The following PLEKHF1 variants were observed in gnomAD, a reference collection of about 807,000 sequenced individuals.
PLEKHF1 encodes pleckstrin homology and FYVE domain containing 1, also known as pleckstrin homology domain-containing family F member 1.
PLEKHF1 carries 1 observed loss-of-function variant against 4.1 expected under a neutral mutation model. The observed-to-expected ratio is 0.24, with a 90% CI of 0.09 to 1.15. The LOEUF is 1.15. PLEKHF1 is among the 50% of genes most tolerant of loss of function. The probability of loss-of-function intolerance (pLI) is 0.52; values close to 1 mark genes in which losing one functional copy is unlikely to be tolerated. For missense variants in PLEKHF1, 429 were observed against 400.6 expected (o/e 1.07, Z -0.60); for synonymous variants, 182 against 178.5 (o/e 1.02, Z -0.16).
In PLEKHF1 at chr19:29,671,959, G is replaced by A. The variant is rs960134398; in HGVS notation, c.-16-1865G>A. On this transcript the variant is annotated intron_variant, in intron 1 of 1. Coordinates refer to ENST00000436066, the MANE Select transcript of PLEKHF1 (RefSeq NM_024310.5). The surrounding 1 kb of genome is among the most constrained non-coding windows in gnomAD (Gnocchi z 4.0). ...AGAGGTAAGAGCTGAGTCATGCATG[G>A]TGGGCCTTGGGACCTGCTTGGAACC... 1.3e-5 allele frequency among the ~76,000 whole-genome samples: 2 copies of A among 151,934 alleles called. No individual in the cohort carries two copies. The highest frequency in any genetic ancestry group is 2.9e-5 in the Non-Finnish European group (2 of 67,992).
chr19:29,673,162 G>A (rs1486745151), intron 1 of PLEKHF1, among the ~76,000 whole-genome samples: 1 of 152,192 alleles, frequency 6.6e-6, no homozygotes, highest in Non-Finnish European at 1.5e-5. Context: ...TGTGATGGTG[G>A]TGGTGACTGC....
chr19:29,667,750 G>C (rs566541180), intron 1 of PLEKHF1, among the ~76,000 whole-genome samples: 1 of 151,956 alleles, frequency 6.6e-6, no homozygotes, highest in East Asian at 1.9e-4. Flanking sequence ...GACGACTCCC[G>C]TCAGGACAGT....
rs776950516 is a variant in PLEKHF1 at position 29,674,545 on chromosome 19, C to T, written c.706C>T (p.Arg236Trp). 7 of 1,588,018 alleles carry T rather than the reference C, an allele frequency of 4.4e-6. No individual in the cohort carries two copies. In the African/African-American group the frequency reaches 6.7e-5, roughly 15 times the overall value. ...CCCAGGGCAGCCAGCCCACCTGGCC[C>T]GGCCCATCTGCGGAGCGTCCAGTGG... ...GSPGQPAHLA[R>W]PICGASSGDD... is the part of the protein sequence containing the mutation. Residue 236 changes from arginine to tryptophan, a missense_variant, in exon 2 of 2, where the codon CGG becomes TGG. By Grantham distance (101) the Arg-to-Trp change is moderately radical. Coordinates refer to ENST00000436066, the MANE Select transcript of PLEKHF1 (RefSeq NM_024310.5).
chr19:29,666,845 C>G (rs1031652046), intron 1 of PLEKHF1: 2 of 152,224 alleles, frequency 1.3e-5, no homozygotes, highest in Non-Finnish European at 2.9e-5. Context: ...GGCGGCACTT[C>G]CAGTTTTGTT....
intron 1 of PLEKHF1, among the ~76,000 whole-genome samples, chr19:29,668,656 G>A (rs1449398973): frequency 6.6e-6 from 1 of 151,728 alleles, no homozygotes; most frequent in Non-Finnish European, 1.5e-5. Flanking sequence ...GGAGTTCGAG[G>A]CTGCAGTTAG....
rs57550573 is a variant in PLEKHF1, at chr19:29,668,416, T to TAA, written c.-17+2923_-17+2924dup. 7.8e-5 allele frequency among the ~76,000 whole-genome samples: 11 copies of TAA among 141,842 alleles called. No homozygotes were observed. In the East Asian group the frequency reaches 2.0e-3, roughly 26 times the overall value. The allele number at this position is 141,842 out of a possible 152,430, so 93.1% of individuals were successfully genotyped here. A position where few individuals can be genotyped will look rare whatever the true frequency, so the allele number is the denominator to read the frequency against. ...GGTTCACTTCCCTAGTGAGAACAATTAAAAAAAAAAAAAGGATTCCCAGCT... is the reference window on the plus strand; with the variant it reads ...GGTTCACTTCCCTAGTGAGAACAATTAAAAAAAAAAAAAAAGGATTCCCAGCT... On this transcript the variant is annotated intron_variant, in intron 1 of 1. Coordinates refer to ENST00000436066, the MANE Select transcript of PLEKHF1 (RefSeq NM_024310.5).
intron 1 of PLEKHF1, among the ~76,000 whole-genome samples, chr19:29,673,027 G>A (rs1971648233): frequency 6.6e-6 from 1 of 152,178 alleles, no homozygotes; most frequent in Non-Finnish European, 1.5e-5. Flanking sequence ...GAGCTCCAGG[G>A]CCCCTGCCTC....
At chr19:29,665,558 T>G in intron 1 of PLEKHF1, 53 bp downstream of exon 1, 1 of 1,251,870 alleles carries the variant, frequency 8.0e-7, no homozygotes, top group Non-Finnish European at 1.0e-6. Flanking sequence ...GGCAGGCGCA[T>G]GAGGCGAGTC....
intron 1 of PLEKHF1, among the ~76,000 whole-genome samples, chr19:29,667,488 G>A (rs1247611924): frequency 6.6e-6 from 1 of 152,182 alleles, no homozygotes; most frequent in Non-Finnish European, 1.5e-5. Context: ...TGCAGGGAAG[G>A]AGGAGCCCCG....
chr19:29,666,494 C>G lies in PLEKHF1; in HGVS notation c.-17+989C>G, dbSNP rs184362410. ...GGGACCTGCCCAACCCAGCCCACCC[C>G]GAGGAAGGAAGGGGGATTGGCCAGT... On this transcript the variant is annotated intron_variant, in intron 1 of 1. Transcript: ENST00000436066. Among the ~76,000 whole-genome samples the G allele has an allele frequency of 4.6e-3, 705 of 152,290 alleles. 2 individuals carry two copies. Among genetic ancestry groups the G allele is most frequent in the Non-Finnish European group, 7.1e-3 (481 of 68,010 alleles).
intron 1 of PLEKHF1, among the ~76,000 whole-genome samples, chr19:29,673,249 T>C (rs1599510842): frequency 6.6e-6 from 1 of 152,056 alleles, no homozygotes; most frequent in Non-Finnish European, 1.5e-5. Flanking sequence ...CAGGGTTGGG[T>C]TGGGGGTAGA....
chr19:29,666,353 G>A lies in PLEKHF1; in HGVS notation c.-17+848G>A, dbSNP rs78582386. Among the ~76,000 whole-genome samples the A allele has an allele frequency of 1.8e-3, 270 of 152,362 alleles. 1 individual carries two copies. The highest frequency in any genetic ancestry group is 6.3e-3 in the African/African-American group (261 of 41,584). ...TGGGATCGTCCCTCTGCACAGCGTC[G>A]TTCCCACTGGAGTCTGTTGTGAGCT... On this transcript the variant is annotated intron_variant, in intron 1 of 1. Transcript: ENST00000436066.
Position 29,674,588 on chromosome 19 carries a change from A to G in PLEKHF1, c.749A>G (p.Asp250Gly), listed in dbSNP as rs1451321236. 6 of 1,605,622 alleles carry G rather than the reference A, an allele frequency of 3.7e-6. No homozygotes were observed. In the African/African-American group the frequency reaches 6.7e-5, roughly 18 times the overall value. Residue 250 changes from aspartate to glycine, a missense_variant, in exon 2 of 2, where the codon GAC becomes GGC. Coordinates refer to ENST00000436066, the MANE Select transcript of PLEKHF1 (RefSeq NM_024310.5). ...GASSGDDDDSDEDKEGSRDGD... is the reference protein window; with the variant it reads ...GASSGDDDDSGEDKEGSRDGD... ...TCCAGTGGAGATGACGATGACTCCGACGAGGACAAGGAGGGCAGCAGGGAC... is the reference window on the plus strand; with the variant it reads ...TCCAGTGGAGATGACGATGACTCCGGCGAGGACAAGGAGGGCAGCAGGGAC...
At chr19:29,665,855 GTGT>G in intron 1 of PLEKHF1, 1 of 1,006,422 alleles carries the variant, frequency 9.9e-7, no homozygotes, top group East Asian at 1.1e-4. Flanking sequence ...GTCGCTGGTG[GTGT>G]TTCCGGGATC....
intron 1 of PLEKHF1, among the ~76,000 whole-genome samples, chr19:29,673,552 GT>G (rs1658894798): frequency 6.6e-6 from 1 of 152,130 alleles, no homozygotes; most frequent in Non-Finnish European, 1.5e-5. Flanking sequence ...CCTGGCCTAA[GT>G]AGCACACTTT....
rs1021258155 is a variant in PLEKHF1 at position 29,671,178 on chromosome 19, C to T, written c.-16-2646C>T. On this transcript the variant is annotated intron_variant, in intron 1 of 1. Transcript: ENST00000436066. The surrounding 1 kb of genome is among the most constrained non-coding windows in gnomAD (Gnocchi z 4.0). ...GCAATGGCGCCATCTTGGCTCACTG[C>T]AACCTCTGCTTCCTGGGTTCAAGCG... 6.6e-6 allele frequency among the ~76,000 whole-genome samples: 1 copy of T among 151,508 alleles called. No individual in the cohort carries two copies. Among genetic ancestry groups the T allele is most frequent in the Non-Finnish European group, 1.5e-5 (1 of 67,944 alleles).
intron 1 of PLEKHF1, among the ~76,000 whole-genome samples, chr19:29,673,568 C>T (rs1451402464): frequency 6.6e-6 from 1 of 152,212 alleles, no homozygotes; most frequent in Non-Finnish European, 1.5e-5. Context: ...CACTTTATCA[C>T]TGCCTTCCCA....
chr19:29,670,822 C>A (rs549416847), intron 1 of PLEKHF1, among the ~76,000 whole-genome samples: 1 of 150,644 alleles, frequency 6.6e-6, no homozygotes, highest in African/African-American at 2.4e-5. Flanking sequence ...GGACTACAGG[C>A]GCTCGCCACC....
Position 29,674,101 on chromosome 19 carries a change from G to A in PLEKHF1, c.262G>A (p.Glu88Lys). The A allele has an allele frequency of 6.2e-7, 1 of 1,613,996 alleles. No individual in the cohort carries two copies. The highest frequency in any genetic ancestry group is 1.1e-5 in the South Asian group (1 of 91,088). ...HIIPLEEVTL[E>K]LLPETLQAKN... Reference sequence around the variant, plus strand: ...CATCCCCCTGGAGGAGGTCACACTGGAGCTGTTGCCGGAGACGCTGCAGGC... The same window carrying A: ...CATCCCCCTGGAGGAGGTCACACTGAAGCTGTTGCCGGAGACGCTGCAGGC... The change falls in exon 2 of 2, where the codon GAG becomes AAG. Residue 88 changes from glutamate to lysine, a missense_variant. Transcript: ENST00000436066.
Sources: gnomAD v4.1 joint callset for allele counts (sites outside exome capture counted in the v4.1 genomes callset) on GRCh38, gnomAD v4.1.1 for gene constraint, Gnocchi (gnomAD v3.1) non-coding constraint, MANE v1.5 for transcripts, NCBI Gene and HGNC (gene_info 2026-07-23, HGNC 2026-07-21) for gene names.